ADSL: variants seen among roughly 807,000 people sequenced by gnomAD.
ADSL encodes adenylosuccinate lyase, also known as adenylosuccinase.
In ADSL, 44 loss-of-function variants were observed where a neutral mutation model predicts 62.1. The ratio of observed to expected loss-of-function variants is 0.71; its 90% CI spans 0.56 to 0.91. The LOEUF (loss-of-function observed/expected upper bound fraction) is 0.91. ADSL is among the 40% of genes least tolerant of loss of function. The pLI, the probability that ADSL is intolerant of heterozygous loss-of-function variation, is 0.00. For synonymous variants in ADSL, 198 were observed against 220.5 expected (o/e 0.90, Z 0.90); for missense variants, 531 against 627.4 (o/e 0.85, Z 1.64).
Position 40,361,632 on chromosome 22 carries a change from A to G in ADSL, c.1007A>G (p.Asn336Ser). The G allele has an allele frequency of 1.9e-6, 3 of 1,613,272 alleles. No individual in the cohort carries two copies. Among genetic ancestry groups the G allele is most frequent in the Non-Finnish European group, 2.5e-6 (3 of 1,180,022 alleles). Residue 336 changes from asparagine to serine, a missense_variant, in exon 9 of 13, where the codon AAC becomes AGC. By Grantham distance (46) the Asn-to-Ser change is conservative. Transcript: ENST00000623063. ...GAACGCACACTGGATGATAGTGCCA[A>G]CCGGTCAGTGGCACAGGGACATCAC... ...WFERTLDDSA[N>S]RRICLAEAFL...
At chr22:40,353,258 C>G (rs2044416936) in intron 3 of ADSL, 141 bp downstream of exon 3, 1 of 731,080 alleles carries the variant, frequency 1.4e-6, no homozygotes. Flanking sequence ...TATGTTTAAT[C>G]TGTAGAACTA....
At chr22:40,353,486 G>A (rs1350461995) in intron 3 of ADSL, 8 of 691,186 alleles carry the variant, frequency 1.2e-5, no homozygotes, top group Non-Finnish European at 2.1e-5. Context: ...TTTTTGCCAT[G>A]TTGCCCAGGC....
At chr22:40,385,345 G>C (rs1458837900) in intron 2 of ADSL, among the ~76,000 whole-genome samples, 1 of 152,212 alleles carries the variant, frequency 6.6e-6, no homozygotes, top group Non-Finnish European at 1.5e-5. Flanking sequence ...AGTGGGTACA[G>C]GGATAGTTGC....
intron 1 of ADSL, 124 bp from the exon 2 acceptor site, chr22:40,349,708 T>C: frequency 1.1e-6 from 1 of 909,520 alleles, no homozygotes; most frequent in Non-Finnish European, 1.7e-6. Context: ...GCCTCAAATT[T>C]TAATTTAAGG....
chr22:40,346,507 C>T lies in ADSL; in HGVS notation c.-52C>T. 1 of 1,558,610 alleles carries T rather than the reference C, an allele frequency of 6.4e-7. No homozygotes were observed. Among genetic ancestry groups the T allele is most frequent in the Non-Finnish European group, 8.7e-7 (1 of 1,155,608 alleles). ...CGTCCTGCCCTGGCCTCCAGGTTTC[C>T]GCTTCCGCTCTTCCCTGGTCCAGTC... On this transcript the variant is annotated 5_prime_UTR_variant, in exon 1 of 13. Coordinates refer to ENST00000623063, the MANE Select transcript of ADSL (RefSeq NM_000026.4).
In ADSL at chr22:40,352,452, C is replaced by T. The variant is rs188440056; in HGVS notation, c.358-621C>T. ...CTGAGGCAGGAGAATGGCGTGAACCCGGGAGGTGGAGCTCGCAGTGAGCTG... is the reference window on the plus strand; with the variant it reads ...CTGAGGCAGGAGAATGGCGTGAACCTGGGAGGTGGAGCTCGCAGTGAGCTG... On this transcript the variant is annotated intron_variant, in intron 2 of 12. Transcript: ENST00000623063. Among the ~76,000 whole-genome samples the T allele has an allele frequency of 1.5e-3, 221 of 152,106 alleles. 3 individuals carry two copies. Among genetic ancestry groups the T allele is most frequent in the South Asian group, 0.011 (51 of 4,812 alleles).
chr22:40,349,074 A>T (rs893421121), intron 1 of ADSL: 1 of 153,028 alleles, frequency 6.5e-6, no homozygotes, highest in Non-Finnish European at 1.5e-5. Context: ...TAAAATGGCC[A>T]CCATCATGCC....
In ADSL at chr22:40,364,916, G is replaced by A; in HGVS notation, c.1228G>A (p.Ala410Thr). The A allele has an allele frequency of 6.2e-7, 1 of 1,614,206 alleles. No homozygotes were observed. Among genetic ancestry groups the A allele is most frequent in the Non-Finnish European group, 8.5e-7 (1 of 1,180,034 alleles). ...HEKIRVLSQQ[A>T]ASVVKQEGGD... The stretch of plus-strand genomic sequence containing the variant: ...GAAAATCAGAGTGCTTTCTCAGCAG[G>A]CAGCTTCTGTGGTTAAGCAGGAAGG... The change falls in exon 12 of 13, where the codon GCA (alanine) becomes ACA (threonine). Residue 410 changes from alanine (A) to threonine (T), a missense_variant. Physicochemically the swap from Ala to Thr is moderately conservative, Grantham distance 58 (BLOSUM62 0). This residue lies in a region of ADSL where 471 missense variants were observed against 592.9 expected (regional missense o/e 0.79). Coordinates refer to ENST00000623063, the MANE Select transcript of ADSL (RefSeq NM_000026.4).
chr22:40,366,752 CTG>C lies in ADSL; in HGVS notation c.*232_*233del. The C allele has an allele frequency of 2.1e-6, 1 of 482,858 alleles. No homozygotes were observed. The highest frequency in any genetic ancestry group is 2.1e-5 in the South Asian group (1 of 47,074). The allele number at this position is 482,858 out of a possible 1,614,324, so 29.9% of individuals were successfully genotyped here. A position where few individuals can be genotyped will look rare whatever the true frequency, so the allele number is the denominator to read the frequency against. On this transcript the variant is annotated 3_prime_UTR_variant, in exon 13 of 13. Transcript: ENST00000623063. ...AGTAAATGTAGTTCATACTTGATCTCTGTTCTTTCAAGGCATATTTTCCAGCT... is the reference window on the plus strand; with the variant it reads ...AGTAAATGTAGTTCATACTTGATCTCTTCTTTCAAGGCATATTTTCCAGCT...
In ADSL at chr22:40,346,623, C is replaced by T. The variant is rs778466007; in HGVS notation, c.65C>T (p.Ala22Val). 1.2e-6 allele frequency: 2 copies of T among 1,610,228 alleles called. No individual in the cohort carries two copies. The highest frequency in any genetic ancestry group is 1.1e-5 in the South Asian group (1 of 90,180). The change falls in exon 1 of 13, where the codon GCC (alanine) becomes GTC (valine). Residue 22 changes from alanine (A) to valine (V), a missense_variant. Ala to Val is a moderately conservative substitution (Grantham distance 64). Coordinates refer to ENST00000623063, the MANE Select transcript of ADSL (RefSeq NM_000026.4). The stretch of plus-strand genomic sequence containing the variant: ...CGCTCACCTCTTGCCTCCCGCTATG[C>T]CAGCCCGGAGATGTGCTTCGTGTTT... ...SYRSPLASRY[A>V]SPEMCFVFSD... is the part of the protein sequence containing the mutation.
rs2044410415 is a variant in ADSL at position 40,353,085 on chromosome 22, C to A, written c.370C>A (p.Leu124Ile). 1.1e-5 allele frequency: 18 copies of A among 1,613,596 alleles called. No individual in the cohort carries two copies. The highest frequency in any genetic ancestry group is 1.4e-5 in the Non-Finnish European group (17 of 1,179,668). Residue 124 changes from leucine to isoleucine, a missense_variant, in exon 3 of 13, where the codon CTT becomes ATT. This residue lies in a region of ADSL where 471 missense variants were observed against 592.9 expected (regional missense o/e 0.79). Transcript: ENST00000623063. ...TTTTCTTTCGTAGGACTTGATTATT[C>A]TTAGAAATGCACTTGACCTGCTTTT... ...YVGDNTDLII[L>I]RNALDLLLPK... is the part of the protein sequence containing the mutation.
chr22:40,349,980 A>G lies in ADSL; in HGVS notation c.302A>G (p.Lys101Arg), dbSNP rs1409455999. The stretch of plus-strand genomic sequence containing the variant: ...CACACATTTGGCCACTGCTGTCCAA[A>G]AGCTGCAGGCATTATTCACCTTGGT... ...HVHTFGHCCP[K>R]AAGIIHLGAT... The change falls in exon 2 of 13, where the codon AAA becomes AGA. Residue 101 changes from lysine to arginine, a missense_variant. Coordinates refer to ENST00000623063, the MANE Select transcript of ADSL (RefSeq NM_000026.4). 1.2e-6 allele frequency: 2 copies of G among 1,614,138 alleles called. No individual in the cohort carries two copies. Among genetic ancestry groups the G allele is most frequent in the East Asian group, 4.5e-5 (2 of 44,890 alleles).
At chr22:40,359,159 G>T (rs1288202814) in intron 5 of ADSL, 101 bp from the exon 6 acceptor site, 9 of 1,582,756 alleles carry the variant, frequency 5.7e-6, no homozygotes, top group Non-Finnish European at 7.8e-6. Context: ...CTAGAAGGAA[G>T]TTGTGGGGGT....
At chr22:40,358,778 A>G in intron 4 of ADSL, 86 bp from the exon 5 acceptor site, 1 of 1,272,082 alleles carries the variant, frequency 7.9e-7, no homozygotes, top group Non-Finnish European at 1.1e-6. Context: ...TCCAAGGGGT[A>G]ATGGTGGTTA....
intron 4 of ADSL, among the ~76,000 whole-genome samples, chr22:40,356,353 G>A (rs573924442): frequency 1.1e-4 from 17 of 151,888 alleles, no homozygotes; most frequent in Admixed American, 2.0e-4. Context: ...TGGCCAACAT[G>A]GTGAAACTCC....
In ADSL at chr22:40,364,381, TGTTCC is replaced by T; in HGVS notation, c.1191+17_1191+21del. On this transcript the variant is annotated intron_variant, in intron 11 of 12. Transcript: ENST00000623063. ...TAGCCGCCAGGTTTGTAACCCCTCA[TGTTCC>T]TGGATAAGTTGAGAGTGCACGTTTG... 1 of 1,610,416 alleles carries T rather than the reference TGTTCC, an allele frequency of 6.2e-7. No homozygotes were observed. The highest frequency in any genetic ancestry group is 8.5e-7 in the Non-Finnish European group (1 of 1,177,054).
chr22:40,354,032 GT>G (rs1382137167), intron 3 of ADSL: 3 of 604,970 alleles, frequency 5.0e-6, no homozygotes, highest in Non-Finnish European at 8.8e-6. Context: ...TCTTAAAATA[GT>G]TCATGACATT....
chr22:40,371,291 T>C (rs977465215), downstream of ADSL, among the ~76,000 whole-genome samples: 2 of 152,252 alleles, frequency 1.3e-5, no homozygotes, highest in African/African-American at 2.4e-5. Context: ...TGACCTAGGC[T>C]CTTTTTTATT....
intron 10 of ADSL, among the ~76,000 whole-genome samples, chr22:40,363,832 C>T (rs920392765): frequency 2.0e-5 from 3 of 151,948 alleles, no homozygotes; most frequent in Admixed American, 6.6e-5. Flanking sequence ...CGGTGGCTTA[C>T]GCCTGTAATC....
Sources: gnomAD v4.1 joint callset for allele counts (sites outside exome capture counted in the v4.1 genomes callset) on GRCh38, gnomAD v4.1.1 for gene constraint, gnomAD v4.1.1 regional missense constraint, MANE v1.5 for transcripts, NCBI Gene and HGNC (gene_info 2026-07-23, HGNC 2026-07-21) for gene names.